GRIN2A: variants seen among roughly 807,000 people sequenced by gnomAD.
GRIN2A encodes the protein glutamate receptor ionotropic, NMDA 2A.
A neutral mutation model predicts 113.4 loss-of-function variants in GRIN2A; 22 were observed. The observed-to-expected ratio is 0.19, with a 90% CI of 0.14 to 0.28. GRIN2A has a LOEUF of 0.28. Among genes scored for constraint, GRIN2A ranks in the 10% least tolerant of loss-of-function variants. The probability of loss-of-function intolerance (pLI) is 1.00; values close to 1 mark genes in which losing one functional copy is unlikely to be tolerated. For synonymous variants in GRIN2A, 827 were observed against 738.4 expected, an observed-to-expected ratio of 1.12 and a Z score of -1.94; for missense variants, 1,502 against 1,887.0, an observed-to-expected ratio of 0.80 and a Z score of 3.78.
intron 2 of GRIN2A, among the ~76,000 whole-genome samples, chr16:10,075,044 T>C (rs1180195529): frequency 2.0e-5 from 3 of 152,122 alleles, no homozygotes; most frequent in Admixed American, 1.3e-4. Context: ...CAGCCCAGTG[T>C]AGGCATTGAG....
At chr16:9,789,907 G>A (rs1035133785) in intron 11 of GRIN2A, among the ~76,000 whole-genome samples, 7 of 152,220 alleles carry the variant, frequency 4.6e-5, no homozygotes, top group Non-Finnish European at 8.8e-5. Flanking sequence ...ATGGAAGAAA[G>A]GGAGAAACTG....
At chr16:9,907,822 A>C (rs1326841327) in intron 3 of GRIN2A, among the ~76,000 whole-genome samples, 1 of 152,104 alleles carries the variant, frequency 6.6e-6, no homozygotes, top group Non-Finnish European at 1.5e-5. Flanking sequence ...CTTCCTCTGC[A>C]GCTCCATTTC....
chr16:9,921,011 C>T (rs939938678), intron 3 of GRIN2A, among the ~76,000 whole-genome samples: 1 of 152,074 alleles, frequency 6.6e-6, no homozygotes, highest in Non-Finnish European at 1.5e-5. Context: ...CAGGGGTGCA[C>T]GATGTCTCAA....
intron 2 of GRIN2A, among the ~76,000 whole-genome samples, chr16:10,015,241 A>G (rs2046580893): frequency 7.5e-6 from 1 of 133,234 alleles, no homozygotes. Context: ...CAACAGAGCA[A>G]GACTTCATCT....
At chr16:10,077,364 C>T (rs2047893085) in intron 2 of GRIN2A, among the ~76,000 whole-genome samples, 1 of 152,220 alleles carries the variant, frequency 6.6e-6, no homozygotes, top group African/African-American at 2.4e-5. Context: ...TAGCCCCTGA[C>T]TTCGTTGCTG....
chr16:10,064,007 G>T (rs143773706), intron 2 of GRIN2A, among the ~76,000 whole-genome samples: 59 of 152,272 alleles, frequency 3.9e-4, no homozygotes, highest in African/African-American at 1.3e-3. Flanking sequence ...AGTATGGTGA[G>T]AACAATAGGA....
At chr16:10,050,441 T>C (rs1209529870) in intron 2 of GRIN2A, among the ~76,000 whole-genome samples, 1 of 152,098 alleles carries the variant, frequency 6.6e-6, no homozygotes, top group Non-Finnish European at 1.5e-5. Flanking sequence ...TCCTGTCAGA[T>C]AAGTGGCAGC....
intron 11 of GRIN2A, among the ~76,000 whole-genome samples, chr16:9,797,725 C>T (rs1903089000): frequency 6.6e-6 from 1 of 152,146 alleles, no homozygotes; most frequent in South Asian, 2.1e-4. Context: ...TGTACAGCAG[C>T]GTTTCTCAAC....
chr16:9,909,412 T>G (rs2044090416), intron 3 of GRIN2A, among the ~76,000 whole-genome samples: 1 of 152,196 alleles, frequency 6.6e-6, no homozygotes, highest in African/African-American at 2.4e-5. Context: ...AGTAGATCTT[T>G]CTAGCACAAT....
chr16:10,166,856 AC>A (rs2049935268), intron 2 of GRIN2A, among the ~76,000 whole-genome samples: 2 of 152,176 alleles, frequency 1.3e-5, no homozygotes, highest in Non-Finnish European at 2.9e-5. Flanking sequence ...AAGGATGAAG[AC>A]CTTTATGATG....
chr16:10,020,914 C>T (rs1406921954), intron 2 of GRIN2A, among the ~76,000 whole-genome samples: 9 of 152,186 alleles, frequency 5.9e-5, no homozygotes, highest in Non-Finnish European at 8.8e-5. Flanking sequence ...AGATGCTGTA[C>T]GTCTTGGTCA....
At chr16:10,119,127 G>A (rs942228575) in intron 2 of GRIN2A, among the ~76,000 whole-genome samples, 4 of 152,090 alleles carry the variant, frequency 2.6e-5, no homozygotes, top group African/African-American at 9.7e-5. Context: ...ACTGATATTT[G>A]AGGGCTTATT....
chr16:9,759,353 T>C lies in GRIN2A; in HGVS notation c.*3796A>G, dbSNP rs1900484049. On this transcript the variant is annotated 3_prime_UTR_variant, in exon 13 of 13. Coordinates refer to ENST00000330684, the MANE Select transcript of GRIN2A (RefSeq NM_001134407.3). ...TGCAAATAATTCAGGGCATTTGTCATTTCCTGTGAAGGATGCAGAATATTA... is the reference window on the plus strand; with the variant it reads ...TGCAAATAATTCAGGGCATTTGTCACTTCCTGTGAAGGATGCAGAATATTA... 4.5e-6 allele frequency: 1 copy of C among 224,546 alleles called. No individual in the cohort carries two copies. Among genetic ancestry groups the C allele is most frequent in the African/African-American group, 2.2e-5 (1 of 44,996 alleles). The allele number at this position is 224,546 out of a possible 1,614,324, so 13.9% of individuals were successfully genotyped here. A position where few individuals can be genotyped will look rare whatever the true frequency, so the allele number is the denominator to read the frequency against.
At chr16:10,020,628 T>C (rs2046701202) in intron 2 of GRIN2A, among the ~76,000 whole-genome samples, 4 of 152,148 alleles carry the variant, frequency 2.6e-5, no homozygotes. Flanking sequence ...ATACTAGCTA[T>C]ACGATACAAG....
rs755710558 is a variant in GRIN2A, at chr16:9,841,045, A to C, written c.1388T>G (p.Ile463Ser). The C allele has an allele frequency of 6.2e-7, 1 of 1,613,706 alleles. No homozygotes were observed. Among genetic ancestry groups the C allele is most frequent in the Non-Finnish European group, 8.5e-7 (1 of 1,179,614 alleles). Reference sequence around the variant, plus strand: ...CACAGTTCTGGAAAGCTTCTTCAGAATATCAATGCAGAACCCCTTGCAGCA... The same window carrying C: ...CACAGTTCTGGAAAGCTTCTTCAGACTATCAATGCAGAACCCCTTGCAGCA... ...KKCCKGFCID[I>S]LKKLSRTVKF... The change falls in exon 6 of 13, where the codon ATT becomes AGT. Residue 463 changes from isoleucine (I) to serine (S), a missense_variant. Physicochemically the swap from Ile to Ser is moderately radical, Grantham distance 142. This residue lies in a region of GRIN2A where 82 missense variants were observed against 222.7 expected (regional missense o/e 0.37). Transcript: ENST00000330684.
Position 9,776,407 on chromosome 16 carries a change from T to C in GRIN2A, c.2357-7318A>G, listed in dbSNP as rs375661730. Among the ~76,000 whole-genome samples, 17 of 151,956 alleles carry C rather than the reference T, an allele frequency of 1.1e-4. No individual in the cohort carries two copies. In the East Asian group the frequency reaches 1.5e-3, roughly 14 times the overall value. ...CCCCAGTCTGTGGCACAGGTCTTGG[T>C]ACATGTGGTTCATGACATTGCACCA... On this transcript the variant is annotated intron_variant, in intron 11 of 12. Coordinates refer to ENST00000330684, the MANE Select transcript of GRIN2A (RefSeq NM_001134407.3).
chr16:10,009,704 C>G (rs765083698), intron 2 of GRIN2A, among the ~76,000 whole-genome samples: 49 of 152,062 alleles, frequency 3.2e-4, no homozygotes, highest in Middle Eastern at 3.4e-3. Flanking sequence ...TAAGCCTTCC[C>G]TTTATCACCC....
rs9933772 is a variant in GRIN2A, at chr16:9,757,374, A to T, written c.*5775T>A. The T allele has an allele frequency of 0.02, 4,255 of 214,554 alleles. 71 individuals are homozygous for T. The highest frequency in any genetic ancestry group is 0.072 in the East Asian group (1,065 of 14,774). The allele number at this position is 214,554 out of a possible 1,614,324, so 13.3% of individuals were successfully genotyped here. ...AGGGAAGGACTTTTTTTTTTTTTTT[A>T]AAAAAGGTATGCTCATAGAATCAGA... On this transcript the variant is annotated 3_prime_UTR_variant, in exon 13 of 13. Transcript: ENST00000330684.
At chr16:10,036,607 A>AT (rs1239675840) in intron 2 of GRIN2A, among the ~76,000 whole-genome samples, 358 of 142,788 alleles carry the variant, frequency 2.5e-3, no homozygotes, top group African/African-American at 4.6e-3. Context: ...CGCCCGGCTA[A>AT]TTTTTTTTTT....
Sources: allele counts gnomAD v4.1 joint callset (sites outside exome capture counted in the v4.1 genomes callset), GRCh38; gene constraint gnomAD v4.1.1; regional missense constraint gnomAD v4.1.1; transcripts MANE v1.5; gene names NCBI Gene and HGNC (gene_info 2026-07-23, HGNC 2026-07-21).